Variants in LEMD1 observed in about 807,000 individuals in gnomAD.
LEMD1 encodes the protein LEM domain containing 1, also known as LEM domain-containing protein 1.
In LEMD1, 18 loss-of-function variants were observed where a neutral mutation model predicts 17.4. The observed-to-expected ratio is 1.04, with a 90% CI of 0.72 to 1.54. The LOEUF is 1.54. Ranked by LOEUF, LEMD1 falls within the 40% of genes most tolerant of loss-of-function variation. The pLI is 0.00. For synonymous variants in LEMD1, 88 were observed against 77.8 expected, an observed-to-expected ratio of 1.13 and a Z score of -0.69; for missense variants, 195 against 210.4, an observed-to-expected ratio of 0.93 and a Z score of 0.45.
intron 4 of LEMD1, among the ~76,000 whole-genome samples, chr1:205,405,607 A>T (rs1301425790): frequency 6.7e-6 from 1 of 150,044 alleles, no homozygotes; most frequent in African/African-American, 2.5e-5. Flanking sequence ...ATTCATCTAA[A>T]TTTTTTTCAA....
intron 4 of LEMD1, among the ~76,000 whole-genome samples, chr1:205,405,655 C>T (rs1026867755): frequency 2.6e-5 from 4 of 152,006 alleles, no homozygotes; most frequent in Admixed American, 6.5e-5. Context: ...GAATTTCCTC[C>T]TGTAGCTCGG....
In LEMD1 at chr1:205,396,277, G is replaced by A. The variant is rs1253910153; in HGVS notation, c.271-11913C>T. The stretch of plus-strand genomic sequence containing the variant: ...TCCTTCCACCTTGGACTCTCAAAGT[G>A]CTGGGATAATAGGCATTAGCTACCA... On this transcript the variant is annotated intron_variant, in intron 4 of 5. Transcript: ENST00000367153. Among the ~76,000 whole-genome samples, 3 of 152,208 alleles carry A rather than the reference G, an allele frequency of 2.0e-5. No individual in the cohort carries two copies. In the East Asian group the frequency reaches 5.8e-4, roughly 29 times the overall value.
chr1:205,444,067 T>TAGCGTCTATTTGAGGGGGA (rs1666341848), intron 1 of LEMD1, among the ~76,000 whole-genome samples: 1 of 152,094 alleles, frequency 6.6e-6, no homozygotes, highest in Non-Finnish European at 1.5e-5. Flanking sequence ...GGGAGGAGTC[T>TAGCGTCTATTTGAGGGGGA]GGACTAGCAC....
intron 4 of LEMD1, among the ~76,000 whole-genome samples, chr1:205,410,490 G>T (rs944922233): frequency 6.6e-6 from 1 of 152,096 alleles, no homozygotes; most frequent in African/African-American, 2.4e-5. Flanking sequence ...AAGAGACAAC[G>T]TATATGGTAC....
chr1:205,446,475 T>A (rs548309060), intron 1 of LEMD1, among the ~76,000 whole-genome samples: 1 of 152,244 alleles, frequency 6.6e-6, no homozygotes, highest in Admixed American at 6.5e-5. Context: ...TTTACAGAGG[T>A]ATAATCTCTG....
chr1:205,417,013 A>G (rs1665724684), intron 3 of LEMD1, among the ~76,000 whole-genome samples: 1 of 152,200 alleles, frequency 6.6e-6, no homozygotes. Flanking sequence ...CCATTCCAGG[A>G]CTAGGTGTTT....
chr1:205,429,405 G>C (rs200712347), intron 1 of LEMD1, among the ~76,000 whole-genome samples: 1 of 152,170 alleles, frequency 6.6e-6, no homozygotes, highest in Non-Finnish European at 1.5e-5. Context: ...TTTGTGGCTT[G>C]GCTCATTTCA....
chr1:205,432,219 C>T lies in LEMD1; in HGVS notation c.-38-11645G>A, dbSNP rs1160391955. On this transcript the variant is annotated intron_variant, in intron 1 of 3. Transcript: ENST00000367154. ...GGAGGGAGGAGGGCTGAAGAGTGGACAAGCATAAGTGTGTGTAGACATGCA... is the reference window on the plus strand; with the variant it reads ...GGAGGGAGGAGGGCTGAAGAGTGGATAAGCATAAGTGTGTGTAGACATGCA... 5.3e-5 allele frequency among the ~76,000 whole-genome samples: 8 copies of T among 152,176 alleles called. No individual in the cohort carries two copies. The East Asian group carries it at 9.6e-4, about 18-fold the overall frequency.
chr1:205,382,010 TTTTTC>T, intron 5 of LEMD1, 154 bp from the exon 6 acceptor site: 1 of 682,872 alleles, frequency 1.5e-6, no homozygotes, highest in Non-Finnish European at 2.5e-6. Flanking sequence ...AATTTCTTTT[TTTTTC>T]TTTTAAGACA....
In LEMD1 at chr1:205,419,305, A is replaced by T. The variant is rs775748519; in HGVS notation, c.130T>A (p.Ser44Thr). The part of the protein sequence containing the change: ...YEKKLVQLLV[S>T]PPCAPPVMNG... ...ATCACAGGTGGTGCACAGGGAGGTG[A>T]GACCAACAACTGTACTAACTTTTTT... The change falls in exon 3 of 6, where the codon TCA (serine) becomes ACA (threonine). Residue 44 changes from serine to threonine, a missense_variant. Physicochemically the swap from Ser to Thr is moderately conservative, Grantham distance 58. Coordinates refer to ENST00000367153, the MANE Select transcript of LEMD1 (RefSeq NM_001199050.2). 8 of 1,614,216 alleles carry T rather than the reference A, an allele frequency of 5.0e-6. No homozygotes were observed. The highest frequency in any genetic ancestry group is 3.4e-6 in the Non-Finnish European group (4 of 1,180,002).
chr1:205,382,039 T>C (rs1378474281), intron 5 of LEMD1, 183 bp from the exon 6 acceptor site: 3 of 607,936 alleles, frequency 4.9e-6, no homozygotes, highest in Non-Finnish European at 8.6e-6. Flanking sequence ...TCTTGTTCTG[T>C]TGTCCAGGCT....
At chr1:205,435,429 G>C (rs971852669) in intron 1 of LEMD1, 1 of 152,198 alleles carries the variant, frequency 6.6e-6, no homozygotes, top group Non-Finnish European at 1.5e-5. Flanking sequence ...ATCTTGAGTA[G>C]GGGTGAGGAG....
At chr1:205,439,424 C>A (rs1230421787) in intron 1 of LEMD1, among the ~76,000 whole-genome samples, 1 of 152,264 alleles carries the variant, frequency 6.6e-6, no homozygotes, top group Non-Finnish European at 1.5e-5. Context: ...CCCACCCAAT[C>A]TGCCCAAAGC....
chr1:205,423,114 G>C (rs368605303), upstream of LEMD1, among the ~76,000 whole-genome samples: 9 of 152,254 alleles, frequency 5.9e-5, no homozygotes, highest in South Asian at 1.7e-3. Context: ...ACACTTGCCC[G>C]TGGGAGTCTG....
chr1:205,435,447 C>T (rs1318840364), intron 1 of LEMD1: 1 of 152,192 alleles, frequency 6.6e-6, no homozygotes, highest in Admixed American at 6.5e-5. Flanking sequence ...GAGGAATCTA[C>T]TTTTCAGCCT....
At chr1:205,417,264 A>G (rs1041146605) in intron 3 of LEMD1, among the ~76,000 whole-genome samples, 8 of 152,218 alleles carry the variant, frequency 5.3e-5, no homozygotes, top group African/African-American at 1.9e-4. Context: ...TAGATCAGGT[A>G]GGCACTATCT....
intron 1 of LEMD1, among the ~76,000 whole-genome samples, chr1:205,429,545 G>A (rs959083284): frequency 7.9e-5 from 12 of 152,122 alleles, no homozygotes; most frequent in Non-Finnish European, 7.3e-5. Context: ...CTCACACTGT[G>A]ACTTTTGCAT....
At chr1:205,449,017 G>A (rs187092133) in intron 1 of LEMD1, among the ~76,000 whole-genome samples, 25 of 152,256 alleles carry the variant, frequency 1.6e-4, no homozygotes, top group African/African-American at 5.5e-4. Context: ...TAGTTTAGAG[G>A]AGAGTGAGAT....
chr1:205,429,377 G>A (rs901233418), intron 1 of LEMD1, among the ~76,000 whole-genome samples: 2 of 152,214 alleles, frequency 1.3e-5, no homozygotes, highest in Non-Finnish European at 2.9e-5. Context: ...CTGAAGCCTT[G>A]TCAATGTCTC....
Sources: allele counts gnomAD v4.1 joint callset (sites outside exome capture counted in the v4.1 genomes callset), GRCh38; gene constraint gnomAD v4.1.1; transcripts MANE v1.5; gene names NCBI Gene and HGNC (gene_info 2026-07-23, HGNC 2026-07-21).